The following KCNH5 variants were observed in gnomAD, a reference collection of about 807,000 sequenced individuals.
The protein encoded by KCNH5 is potassium voltage-gated channel subfamily H member 5.
KCNH5 carries 46 observed loss-of-function variants against 96.1 expected under a neutral mutation model. That is an observed-to-expected ratio of 0.48 (90% CI 0.38 to 0.61). The LOEUF is 0.61. KCNH5 is among the 20% of genes least tolerant of loss of function. The probability of loss-of-function intolerance (pLI) is 0.00; values close to 1 mark genes in which losing one functional copy is unlikely to be tolerated. For missense variants in KCNH5, 907 were observed against 1,225.8 expected, an observed-to-expected ratio of 0.74 and a Z score of 3.88; for synonymous variants, 439 against 449.8, an observed-to-expected ratio of 0.98 and a Z score of 0.30.
chr14:62,881,038 G>A (rs12147279), intron 7 of KCNH5, among the ~76,000 whole-genome samples: 4 of 151,972 alleles, frequency 2.6e-5, no homozygotes, highest in African/African-American at 9.7e-5. Context: ...TACCTAAATC[G>A]GTCACTTTTC....
At chr14:62,738,786 T>C (rs1297025556) in intron 10 of KCNH5, among the ~76,000 whole-genome samples, 1 of 152,134 alleles carries the variant, frequency 6.6e-6, no homozygotes, top group Non-Finnish European at 1.5e-5. Context: ...TTTATAGCAG[T>C]TCGCAATCCA....
At chr14:62,945,592 A>C (rs1265478298) in intron 7 of KCNH5, among the ~76,000 whole-genome samples, 4 of 152,140 alleles carry the variant, frequency 2.6e-5, no homozygotes, top group Non-Finnish European at 5.9e-5. Context: ...GAAAAGAAAA[A>C]CCAAGTACAC....
intron 6 of KCNH5, among the ~76,000 whole-genome samples, chr14:62,965,178 C>G (rs958548015): frequency 2.6e-5 from 4 of 151,922 alleles, no homozygotes; most frequent in Admixed American, 2.0e-4. Context: ...CTTCTTATGT[C>G]GTTGCTGTAG....
chr14:62,863,870 T>C (rs1054031486), intron 7 of KCNH5, among the ~76,000 whole-genome samples: 3 of 152,164 alleles, frequency 2.0e-5, no homozygotes, highest in African/African-American at 4.8e-5. Context: ...TTAATTTGTA[T>C]GTATACTTTT....
intron 10 of KCNH5, among the ~76,000 whole-genome samples, chr14:62,725,249 A>G (rs1884898606): frequency 6.6e-6 from 1 of 152,252 alleles, no homozygotes; most frequent in South Asian, 2.1e-4. Context: ...AAATTTAAAA[A>G]GAAAGAAAGA....
At chr14:62,737,485 C>T (rs964523907) in intron 10 of KCNH5, among the ~76,000 whole-genome samples, 21 of 152,200 alleles carry the variant, frequency 1.4e-4, no homozygotes, top group East Asian at 7.7e-4. Context: ...TCTGTTTATT[C>T]GTCTGTTAAA....
At chr14:62,734,193 G>A (rs926075322) in intron 10 of KCNH5, among the ~76,000 whole-genome samples, 1 of 151,942 alleles carries the variant, frequency 6.6e-6, no homozygotes, top group African/African-American at 2.4e-5. Context: ...TGCTTCCAGT[G>A]ATGATTCATC....
chr14:62,714,451 T>C (rs999184159), intron 10 of KCNH5, among the ~76,000 whole-genome samples: 1 of 152,196 alleles, frequency 6.6e-6, no homozygotes, highest in African/African-American at 2.4e-5. Flanking sequence ...CCCAACACTT[T>C]GGCCATTGAA....
At chr14:62,847,561 C>A (rs902478445) in intron 8 of KCNH5, among the ~76,000 whole-genome samples, 5 of 152,146 alleles carry the variant, frequency 3.3e-5, no homozygotes, top group African/African-American at 4.8e-5. Flanking sequence ...AAATATGCTT[C>A]TCCTATTAGT....
chr14:62,783,995 T>C (rs1886271219), intron 9 of KCNH5, among the ~76,000 whole-genome samples: 1 of 151,874 alleles, frequency 6.6e-6, no homozygotes, highest in East Asian at 1.9e-4. Flanking sequence ...TATAATTATA[T>C]GTTATTATAT....
At chr14:62,994,426 A>G (rs188117992) in intron 4 of KCNH5, among the ~76,000 whole-genome samples, 131 of 152,164 alleles carry the variant, frequency 8.6e-4, no homozygotes, top group African/African-American at 2.9e-3. Flanking sequence ...TTTAGAACAC[A>G]TATGGATAAC....
At chr14:62,806,181 C>T (rs538539877) in intron 8 of KCNH5, among the ~76,000 whole-genome samples, 12 of 152,188 alleles carry the variant, frequency 7.9e-5, no homozygotes, top group South Asian at 6.2e-4. Context: ...CCAATATGGT[C>T]TAAAAAGGGG....
intron 8 of KCNH5, among the ~76,000 whole-genome samples, chr14:62,814,782 C>CAAAAAAAAAAAAAAAAAAAAAA (rs71120235): frequency 5.9e-5 from 2 of 33,750 alleles, no homozygotes; most frequent in Non-Finnish European, 9.5e-5. Context: ...GACTCCATCT[C>CAAAAAAAAAAAAAAAAAAAAAA]AAAAAAAAAA....
Position 62,702,801 on chromosome 14 carries a change from C to T in KCNH5, c.*4707G>A, listed in dbSNP as rs1884367701. 6.6e-6 allele frequency: 1 copy of T among 151,850 alleles called. No homozygotes were observed. The highest frequency in any genetic ancestry group is 2.1e-4 in the South Asian group (1 of 4,820). 9.4% of individuals were successfully genotyped at this position (151,850 alleles called of 1,614,324 possible). A position where few individuals can be genotyped will look rare whatever the true frequency, so the allele number is the denominator to read the frequency against. ...TCCTACAAATGAAGTGATAGAAAAT[C>T]TCAAGTCAGAATATAGGCCAAAACT... is the stretch of plus-strand genomic sequence containing the variant. On this transcript the variant is annotated 3_prime_UTR_variant, in exon 11 of 11. Coordinates refer to ENST00000322893, the MANE Select transcript of KCNH5 (RefSeq NM_139318.5).
chr14:63,023,597 C>T (rs1384813554), intron 1 of KCNH5, among the ~76,000 whole-genome samples: 1 of 151,950 alleles, frequency 6.6e-6, no homozygotes. Context: ...CACTTTAAAC[C>T]AAATGGACCT....
chr14:63,006,317 T>C (rs1395785227), intron 3 of KCNH5, 49 bp downstream of exon 3: 2 of 1,172,240 alleles, frequency 1.7e-6, no homozygotes, highest in South Asian at 1.3e-5. Context: ...TTACCAAACA[T>C]AATATTAATA....
intron 7 of KCNH5, among the ~76,000 whole-genome samples, chr14:62,932,604 T>C (rs559751058): frequency 1.2e-4 from 18 of 151,768 alleles, no homozygotes; most frequent in Non-Finnish European, 2.2e-4. Flanking sequence ...AATATCCCAG[T>C]AGTGAAAAAT....
chr14:62,803,855 G>C (rs1320820680), intron 8 of KCNH5, among the ~76,000 whole-genome samples: 1 of 152,110 alleles, frequency 6.6e-6, no homozygotes, highest in Non-Finnish European at 1.5e-5. Context: ...TTTATAGCCA[G>C]AAATGATTTT....
intron 1 of KCNH5, among the ~76,000 whole-genome samples, chr14:63,031,708 T>C: frequency 6.6e-6 from 1 of 152,308 alleles, no homozygotes; most frequent in East Asian, 1.9e-4. Flanking sequence ...TTGTACTTAC[T>C]AATATTGTAT....
Sources: allele counts gnomAD v4.1 joint callset (sites outside exome capture counted in the v4.1 genomes callset), GRCh38; gene constraint gnomAD v4.1.1; transcripts MANE v1.5; gene names NCBI Gene and HGNC (gene_info 2026-07-23, HGNC 2026-07-21).